Variants in SLC24A2 observed in about 807,000 individuals in gnomAD.
The protein encoded by SLC24A2 is solute carrier family 24 member 2, also known as sodium/potassium/calcium exchanger 2.
In SLC24A2, 36 loss-of-function variants were observed where a neutral mutation model predicts 62.0. The ratio of observed to expected loss-of-function variants is 0.58; its 90% CI spans 0.44 to 0.77. The LOEUF (loss-of-function observed/expected upper bound fraction) is 0.77. Ranked by LOEUF, SLC24A2 falls within the 30% of genes least tolerant of loss-of-function variation. The probability of loss-of-function intolerance (pLI) is 0.00; values close to 1 mark genes in which losing one functional copy is unlikely to be tolerated. For missense variants in SLC24A2, 846 were observed against 817.9 expected, an observed-to-expected ratio of 1.03 and a Z score of -0.42; for synonymous variants, 358 against 294.0, an observed-to-expected ratio of 1.22 and a Z score of -2.23.
chr9:19,617,247 T>G (rs569048793), intron 4 of SLC24A2, among the ~76,000 whole-genome samples: 9 of 152,286 alleles, frequency 5.9e-5, no homozygotes, highest in African/African-American at 2.2e-4. Flanking sequence ...GAGAATCTAA[T>G]GCAAATGCTG....
the SLC24A2 span, among the ~76,000 whole-genome samples, chr9:20,138,365 T>G: frequency 6.6e-6 from 1 of 152,200 alleles, no homozygotes; most frequent in Non-Finnish European, 1.5e-5. Context: ...AGTTTAAGAT[T>G]TTTAAGAGCC....
At chr9:19,785,480 C>T (rs969487805) in intron 2 of SLC24A2, among the ~76,000 whole-genome samples, 2 of 152,152 alleles carry the variant, frequency 1.3e-5, no homozygotes, top group East Asian at 3.8e-4. Context: ...GGTACAGCTA[C>T]GGTGACACAA....
the SLC24A2 span, among the ~76,000 whole-genome samples, chr9:19,930,448 C>G: frequency 1.3e-5 from 2 of 152,300 alleles, no homozygotes; most frequent in African/African-American, 4.8e-5. Flanking sequence ...GCTACACCAT[C>G]TAAGTTCGTG....
chr9:20,021,906 G>A, the SLC24A2 span, among the ~76,000 whole-genome samples: 1 of 152,062 alleles, frequency 6.6e-6, no homozygotes, highest in Non-Finnish European at 1.5e-5. Context: ...TGCTGACTCT[G>A]CCTCTGTTGG....
At chr9:19,779,707 C>G (rs1822953165) in intron 2 of SLC24A2, among the ~76,000 whole-genome samples, 1 of 152,156 alleles carries the variant, frequency 6.6e-6, no homozygotes, top group Non-Finnish European at 1.5e-5. Flanking sequence ...GGTAAAATGA[C>G]AATGTCTAAT....
At chr9:19,571,085 G>C (rs748744779) in intron 7 of SLC24A2, among the ~76,000 whole-genome samples, 1 of 152,144 alleles carries the variant, frequency 6.6e-6, no homozygotes, top group Non-Finnish European at 1.5e-5. Context: ...AGATGGAGAG[G>C]CATGGGGATG....
the SLC24A2 span, among the ~76,000 whole-genome samples, chr9:19,847,816 C>A: frequency 6.6e-6 from 1 of 152,020 alleles, no homozygotes; most frequent in Admixed American, 6.6e-5. Flanking sequence ...ATTTTCATTT[C>A]TTTCTTCAGA....
the SLC24A2 span, among the ~76,000 whole-genome samples, chr9:19,956,357 T>C: frequency 4.6e-5 from 7 of 152,352 alleles, no homozygotes; most frequent in African/African-American, 1.4e-4. Context: ...ACATTTGTTA[T>C]AGCAAAATAT....
At chr9:19,723,417 T>A (rs962867387) in intron 2 of SLC24A2, among the ~76,000 whole-genome samples, 3 of 152,134 alleles carry the variant, frequency 2.0e-5, no homozygotes, top group South Asian at 2.1e-4. Flanking sequence ...TTAAAAAAAA[T>A]ATTTAATACA....
At position 19,512,755 on chromosome 9, in the gene SLC24A2, A is replaced by T. The variant is rs1023725577; in HGVS notation, c.*3398T>A. On this transcript the variant is annotated 3_prime_UTR_variant, in exon 11 of 11. Coordinates refer to ENST00000341998, the MANE Select transcript of SLC24A2 (RefSeq NM_020344.4). ...CATTTATTTTAGATTGATTAGTACA[A>T]TGTTGGCTCTTGAATTGTTGATATC... The T allele has an allele frequency of 6.6e-6, 1 of 152,152 alleles. No individual in the cohort carries two copies. The highest frequency in any genetic ancestry group is 1.5e-5 in the Non-Finnish European group (1 of 68,034). 9.4% of individuals were successfully genotyped at this position (152,152 alleles called of 1,614,324 possible). A position where few individuals can be genotyped will look rare whatever the true frequency, so the allele number is the denominator to read the frequency against.
At chr9:19,611,530 C>T (rs1055255706) in intron 4 of SLC24A2, among the ~76,000 whole-genome samples, 2 of 151,606 alleles carry the variant, frequency 1.3e-5, no homozygotes, top group Non-Finnish European at 2.9e-5. Context: ...GTTCTGGGGC[C>T]GCTGTACGCT....
At chr9:20,082,278 C>T in the SLC24A2 span, among the ~76,000 whole-genome samples, 1 of 152,212 alleles carries the variant, frequency 6.6e-6, no homozygotes, top group Non-Finnish European at 1.5e-5. Flanking sequence ...TTATTAACCC[C>T]AATTTTGTAT....
chr9:19,623,297 C>A (rs542063639), intron 2 of SLC24A2, among the ~76,000 whole-genome samples: 2 of 152,308 alleles, frequency 1.3e-5, no homozygotes, highest in South Asian at 4.1e-4. Flanking sequence ...CTTCCCCTGT[C>A]TGGCCTTCTG....
intron 2 of SLC24A2, among the ~76,000 whole-genome samples, chr9:19,763,835 T>C (rs1822424132): frequency 6.6e-6 from 1 of 152,114 alleles, no homozygotes; most frequent in Admixed American, 6.6e-5. Flanking sequence ...ATAGAACGAG[T>C]TAGGGAGGAC....
rs911874734 is a variant in SLC24A2 at position 19,580,175 on chromosome 9, C to G, written c.1130-3153G>C. The stretch of plus-strand genomic sequence containing the variant: ...CTTGGGAGCTGTCTTCTCCACAGAC[C>G]TCTTCAACTTCTGCAACTCAACCTC... On this transcript the variant is annotated intron_variant, in intron 5 of 10. Transcript: ENST00000341998. Among the ~76,000 whole-genome samples the G allele has an allele frequency of 3.3e-5, 5 of 152,210 alleles. No individual in the cohort carries two copies. The East Asian group carries it at 9.6e-4, about 29-fold the overall frequency.
chr9:20,174,830 TC>T, the SLC24A2 span, among the ~76,000 whole-genome samples: 1 of 151,906 alleles, frequency 6.6e-6, no homozygotes, highest in African/African-American at 2.4e-5. Context: ...TACTATTTGG[TC>T]CAGCAATCCC....
At chr9:19,781,378 G>T (rs1483722117) in intron 2 of SLC24A2, among the ~76,000 whole-genome samples, 1 of 129,436 alleles carries the variant, frequency 7.7e-6, no homozygotes, top group African/African-American at 2.7e-5. Flanking sequence ...ATGAAGTAGG[G>T]GAAGGTGGAA....
At chr9:20,163,337 A>C in the SLC24A2 span, among the ~76,000 whole-genome samples, 1 of 152,170 alleles carries the variant, frequency 6.6e-6, no homozygotes, top group African/African-American at 2.4e-5. Context: ...TATACCAATA[A>C]CAGACAAACA....
At chr9:19,921,043 G>A in the SLC24A2 span, among the ~76,000 whole-genome samples, 1 of 141,600 alleles carries the variant, frequency 7.1e-6, no homozygotes, top group East Asian at 2.4e-4. Flanking sequence ...GAATAATGTT[G>A]ACTCATGGCA....
Sources: allele counts gnomAD v4.1 joint callset (sites outside exome capture counted in the v4.1 genomes callset), GRCh38; gene constraint gnomAD v4.1.1; transcripts MANE v1.5; gene names NCBI Gene and HGNC (gene_info 2026-07-23, HGNC 2026-07-21).